Variants in NALF1 observed in about 807,000 individuals in gnomAD.
NALF1 encodes NALCN channel auxiliary factor 1.
A neutral mutation model predicts 48.4 loss-of-function variants in NALF1; 3 were observed. That is an observed-to-expected ratio of 0.06 (90% CI 0.03 to 0.16). The LOEUF (loss-of-function observed/expected upper bound fraction) is 0.16, where lower values mean the gene tolerates loss of function less well. NALF1 is among the 10% of genes least tolerant of loss of function. NALF1 has a pLI of 1.00. For missense variants in NALF1, 526 were observed against 571.5 expected, an observed-to-expected ratio of 0.92 and a Z score of 0.81; for synonymous variants, 262 against 245.7, an observed-to-expected ratio of 1.07 and a Z score of -0.62.
chr13:107,330,825 A>G (rs2138923831), intron 1 of NALF1, among the ~76,000 whole-genome samples: 1 of 152,374 alleles, frequency 6.6e-6, no homozygotes, highest in East Asian at 1.9e-4. Context: ...TCAAACAAGA[A>G]TAAAAATGAA....
intron 1 of NALF1, among the ~76,000 whole-genome samples, chr13:107,772,254 C>T (rs1877601961): frequency 6.6e-6 from 1 of 152,018 alleles, no homozygotes; most frequent in Non-Finnish European, 1.5e-5. Context: ...CTTGTTTTTA[C>T]TTTGCACTGC....
At chr13:107,798,256 T>G (rs544659050) in intron 1 of NALF1, among the ~76,000 whole-genome samples, 10 of 152,322 alleles carry the variant, frequency 6.6e-5, no homozygotes, top group Non-Finnish European at 1.5e-4. Flanking sequence ...GCATGCAAAA[T>G]TACTTTTCAG....
At chr13:107,849,698 C>T (rs907259837) in intron 1 of NALF1, among the ~76,000 whole-genome samples, 2 of 152,228 alleles carry the variant, frequency 1.3e-5, no homozygotes, top group Non-Finnish European at 2.9e-5. Flanking sequence ...TATTTCTGCC[C>T]TACTCACTCT....
At chr13:107,296,879 C>T (rs954817544) in intron 1 of NALF1, among the ~76,000 whole-genome samples, 26 of 152,138 alleles carry the variant, frequency 1.7e-4, no homozygotes, top group African/African-American at 5.8e-4. Flanking sequence ...GGGTGAATGT[C>T]AAGGCAGAAT....
intron 1 of NALF1, among the ~76,000 whole-genome samples, chr13:107,243,993 T>G (rs777288810): frequency 1.2e-4 from 18 of 152,172 alleles, no homozygotes; most frequent in Non-Finnish European, 2.4e-4. Context: ...CAGGTTAGCC[T>G]CCTGGACTCT....
At position 107,166,620 on chromosome 13, in the gene NALF1, C is replaced by T. The variant is rs1234045238; in HGVS notation, c.*3877G>A. The stretch of plus-strand genomic sequence containing the variant: ...TTTGATGTTGTTCAGATATCAAATA[C>T]CATATGCCAATTCAGGTATTTGGCA... On this transcript the variant is annotated 3_prime_UTR_variant, in exon 3 of 3. Coordinates refer to ENST00000375915, the MANE Select transcript of NALF1 (RefSeq NM_001080396.3). The T allele has an allele frequency of 1.3e-5, 2 of 152,114 alleles. No homozygotes were observed. Among genetic ancestry groups the T allele is most frequent in the Admixed American group, 6.5e-5 (1 of 15,274 alleles). The allele number at this position is 152,114 out of a possible 1,614,324, so 9.4% of individuals were successfully genotyped here.
chr13:107,406,682 A>C (rs550317457), intron 1 of NALF1, among the ~76,000 whole-genome samples: 4 of 152,118 alleles, frequency 2.6e-5, no homozygotes, highest in Admixed American at 2.0e-4. Flanking sequence ...AAACAGTCCT[A>C]AAATTTATAT....
chr13:107,680,365 A>G (rs1223611349), intron 1 of NALF1, among the ~76,000 whole-genome samples: 1 of 151,992 alleles, frequency 6.6e-6, no homozygotes, highest in Non-Finnish European at 1.5e-5. Context: ...TGAAAGCTGA[A>G]TTATTTTTGC....
At chr13:107,714,635 A>AAAAAAAAAG (rs10633996) in intron 1 of NALF1, among the ~76,000 whole-genome samples, 6 of 151,426 alleles carry the variant, frequency 4.0e-5, no homozygotes, top group East Asian at 1.9e-4. Context: ...TTAAAAAAAA[A>AAAAAAAAAG]AAAAGAAAGA....
chr13:107,554,287 C>A (rs990827150), intron 1 of NALF1, among the ~76,000 whole-genome samples: 1 of 152,208 alleles, frequency 6.6e-6, no homozygotes, highest in African/African-American at 2.4e-5. Flanking sequence ...AGAACTATGT[C>A]TTTCCTTCTG....
chr13:107,437,687 A>G (rs1594062729), intron 1 of NALF1, among the ~76,000 whole-genome samples: 1 of 152,242 alleles, frequency 6.6e-6, no homozygotes, highest in Non-Finnish European at 1.5e-5. Context: ...ATGGCAGACC[A>G]TGTGAGAAAA....
chr13:107,286,374 C>T (rs1432455195), intron 1 of NALF1, among the ~76,000 whole-genome samples: 1 of 151,964 alleles, frequency 6.6e-6, no homozygotes, highest in Non-Finnish European at 1.5e-5. Context: ...TGACTCGTGC[C>T]CGTAGCTCCG....
At chr13:107,233,964 T>A (rs2138827763) in intron 1 of NALF1, among the ~76,000 whole-genome samples, 1 of 152,314 alleles carries the variant, frequency 6.6e-6, no homozygotes, top group South Asian at 2.1e-4. Context: ...ATTTGAATTA[T>A]TACATTACTG....
At chr13:107,586,733 C>T (rs1441374290) in intron 1 of NALF1, among the ~76,000 whole-genome samples, 1 of 142,866 alleles carries the variant, frequency 7.0e-6, no homozygotes, top group African/African-American at 2.6e-5. Flanking sequence ...ACCAGATCTC[C>T]AAAATGCCAC....
chr13:107,358,441 C>A (rs1010764093), intron 1 of NALF1, among the ~76,000 whole-genome samples: 6 of 152,062 alleles, frequency 3.9e-5, no homozygotes, highest in Non-Finnish European at 7.4e-5. Context: ...CAGAAACAGA[C>A]CCCATCAAAA....
intron 1 of NALF1, among the ~76,000 whole-genome samples, chr13:107,642,736 T>C (rs1331714991): frequency 1.3e-5 from 2 of 151,938 alleles, no homozygotes; most frequent in Non-Finnish European, 2.9e-5. Flanking sequence ...GGAAAGAGAG[T>C]TGAGCATACA....
chr13:107,840,135 A>G (rs930131129), intron 1 of NALF1, among the ~76,000 whole-genome samples: 1 of 152,198 alleles, frequency 6.6e-6, no homozygotes, highest in African/African-American at 2.4e-5. Context: ...TCAATCACTC[A>G]TTCTTTAGTC....
In NALF1 at chr13:107,274,410, A is replaced by G. The variant is rs559727662; in HGVS notation, c.916-63655T>C. 1.2e-4 allele frequency among the ~76,000 whole-genome samples: 19 copies of G among 152,204 alleles called. No homozygotes were observed. In the East Asian group the frequency reaches 3.5e-3, roughly 28 times the overall value. On this transcript the variant is annotated intron_variant, in intron 1 of 2. Coordinates refer to ENST00000375915, the MANE Select transcript of NALF1 (RefSeq NM_001080396.3). ...ACGAAATGGGACCCCATCTCTACCA[A>G]AAAACATTTTTTAAATTACTTGGGC...
At chr13:107,850,370 C>T (rs1305951891) in intron 1 of NALF1, among the ~76,000 whole-genome samples, 1 of 152,026 alleles carries the variant, frequency 6.6e-6, no homozygotes, top group Non-Finnish European at 1.5e-5. Context: ...TGGGTTGTTG[C>T]CTGATATTAA....
Sources: gnomAD v4.1 joint callset for allele counts (sites outside exome capture counted in the v4.1 genomes callset) on GRCh38, gnomAD v4.1.1 for gene constraint, MANE v1.5 for transcripts, NCBI Gene and HGNC (gene_info 2026-07-23, HGNC 2026-07-21) for gene names.